The following CFAP65 variants were observed in gnomAD, a reference collection of about 807,000 sequenced individuals.
The protein encoded by CFAP65 is cilia- and flagella-associated protein 65.
In CFAP65, 155 loss-of-function variants were observed where a neutral mutation model predicts 208.0. The observed-to-expected ratio is 0.75, with a 90% confidence interval of 0.65 to 0.85. The LOEUF (loss-of-function observed/expected upper bound fraction) is 0.85. CFAP65 is among the 40% of genes least tolerant of loss of function. The probability of loss-of-function intolerance (pLI) is 0.00; values close to 1 mark genes in which losing one functional copy is unlikely to be tolerated. For synonymous variants in CFAP65, 970 were observed against 986.3 expected (o/e 0.98, Z 0.31); for missense variants, 2,294 against 2,451.3 (o/e 0.94, Z 1.36).
chr2:219,022,571 G>A (rs1947340076), intron 16 of CFAP65, among the ~76,000 whole-genome samples: 1 of 152,206 alleles, frequency 6.6e-6, no homozygotes, highest in African/African-American at 2.4e-5. Flanking sequence ...AAAGTTCAGA[G>A]AAGTGGGGTC....
chr2:219,013,563 G>T lies in CFAP65; in HGVS notation c.3802C>A (p.His1268Asn). Residue 1268 changes from histidine (H) to asparagine (N), a missense_variant, in exon 23 of 35, where the codon CAC (histidine) becomes AAC (asparagine). By Grantham distance (68) the His-to-Asn change is moderately conservative. Coordinates refer to ENST00000341552, the MANE Select transcript of CFAP65 (RefSeq NM_194302.4). The stretch of plus-strand genomic sequence containing the variant: ...GACACCTTGAAGAGCACTGGGAGGT[G>T]ATCAGTACCGATGAACAGGTGGCTA... The part of the protein sequence containing the change: ...KYSHLFIGTD[H>N]LPVLFKVSHG... 6.2e-7 allele frequency: 1 copy of T among 1,600,540 alleles called. No homozygotes were observed. The highest frequency in any genetic ancestry group is 1.1e-5 in the South Asian group (1 of 87,938).
At chr2:219,027,526 G>C in intron 13 of CFAP65, 124 bp downstream of exon 13, 4 of 1,610,700 alleles carry the variant, frequency 2.5e-6, no homozygotes, top group African/African-American at 1.3e-5. Context: ...GTCCAGCCAA[G>C]AGAAAGCCTG....
rs1948022168 is a variant in CFAP65, at chr2:219,031,416, C to A, written c.815+73G>T. 1.2e-6 allele frequency: 2 copies of A among 1,605,474 alleles called. No homozygotes were observed. The highest frequency in any genetic ancestry group is 1.3e-5 in the African/African-American group (1 of 74,868). On this transcript the variant is annotated intron_variant, in intron 7 of 34. Coordinates refer to ENST00000341552, the MANE Select transcript of CFAP65 (RefSeq NM_194302.4). The surrounding 1 kb of genome is among the most constrained non-coding windows in gnomAD (Gnocchi z 5.2). ...ACTACCCTACCCCGACAAGGGTATG[C>A]CTGTCTCTCCTGCTTCCAGACACCC...
chr2:219,010,415 T>G (rs1440436821), intron 26 of CFAP65, 131 bp downstream of exon 26: 2 of 974,654 alleles, frequency 2.1e-6, no homozygotes, highest in African/African-American at 3.3e-5. Flanking sequence ...TTCCAAGGTC[T>G]CATCTCTGCC....
Position 219,022,193 on chromosome 2 carries a change from A to C in CFAP65, c.2957T>G (p.Val986Gly). The C allele has an allele frequency of 6.2e-7, 1 of 1,602,760 alleles. No homozygotes were observed. The highest frequency in any genetic ancestry group is 8.5e-7 in the Non-Finnish European group (1 of 1,174,990). Residue 986 changes from valine to glycine, a missense_variant, in exon 17 of 35, where the codon GTT becomes GGT. Physicochemically the swap from Val to Gly is moderately radical, Grantham distance 109. Around this residue, in one of 2 missense-constraint regions of CFAP65, gnomAD observed 1,427 missense variants for 1,438.7 expected, o/e 0.99. Transcript: ENST00000341552. ...TTHYMLRLVG[V>G]GLTSSLSAKE... ...CACAGAGAGGCTGCTGGTGAGCCCA[A>C]CGCCCACCAGCCGGAGCATGTAGTG...
chr2:219,024,167 G>T lies in CFAP65; in HGVS notation c.2443C>A (p.Gln815Lys). ...CKLLTFSLAP[Q>K]RGSDVILRPT... ...CGAAGGATGACGTCTGAGCCTCTCT[G>T]GGGGGCCAGGCTGAAGGTCAGCAGC... The change falls in exon 15 of 35, where the codon CAG becomes AAG. Residue 815 changes from glutamine (Q) to lysine (K), a missense_variant. Coordinates refer to ENST00000341552, the MANE Select transcript of CFAP65 (RefSeq NM_194302.4). The T allele has an allele frequency of 6.2e-7, 1 of 1,613,970 alleles. No individual in the cohort carries two copies. Among genetic ancestry groups the T allele is most frequent in the Non-Finnish European group, 8.5e-7 (1 of 1,180,028 alleles).
rs1347659155 is a variant in CFAP65, at chr2:219,029,509, G to A, written c.1544C>T (p.Ala515Val). The A allele has an allele frequency of 6.2e-6, 10 of 1,613,982 alleles. No homozygotes were observed. The highest frequency in any genetic ancestry group is 1.3e-5 in the African/African-American group (1 of 74,898). ...GGCCTTGCCCACCAGCGTCCCAAAG[G>A]CAGGCCTGATGGTAAAGACACTCTC... ...CLESVFTIRP[A>V]FGTLVGKARM... The change falls in exon 11 of 35, where the codon GCC becomes GTC. Residue 515 changes from alanine (A) to valine (V), a missense_variant. Ala to Val is a moderately conservative substitution (Grantham distance 64). This residue lies in a region of CFAP65 where 867 missense variants were observed against 1,012.6 expected (regional missense o/e 0.86). Transcript: ENST00000341552.
At position 219,027,828 on chromosome 2, in the gene CFAP65, T is replaced by TTGGG; in HGVS notation, c.2032_2033insCCCA (p.Asn678ThrfsTer17). On this transcript the variant is annotated frameshift_variant, in exon 13 of 35. Coordinates refer to ENST00000341552, the MANE Select transcript of CFAP65 (RefSeq NM_194302.4). LOFTEE classifies it high-confidence loss of function. ...CACCATGATCTTGCCCTTGGTGTGG[T>TTGGG]TCATCAGGCACAGGGGTACAGGGTT... is the stretch of plus-strand genomic sequence containing the variant. 1 of 1,604,770 alleles carries TTGGG rather than the reference T, an allele frequency of 6.2e-7. No individual in the cohort carries two copies.
chr2:219,013,206 T>G, intron 24 of CFAP65, 53 bp downstream of exon 24: 1 of 1,221,002 alleles, frequency 8.2e-7, no homozygotes, highest in Non-Finnish European at 1.2e-6. Flanking sequence ...CACTCATACC[T>G]AGAGATCAAC....
chr2:219,023,909 C>T, intron 15 of CFAP65, 106 bp downstream of exon 15: 2 of 1,354,948 alleles, frequency 1.5e-6, no homozygotes, highest in East Asian at 4.6e-5. Flanking sequence ...GGAGAAGTGG[C>T]CCCCTGGAAA....
chr2:219,020,435 G>A (rs968064843), intron 19 of CFAP65, among the ~76,000 whole-genome samples: 2 of 152,098 alleles, frequency 1.3e-5, no homozygotes, highest in East Asian at 3.9e-4. Flanking sequence ...GGAGAGCAGC[G>A]ACACAATCAC....
chr2:219,024,475 C>CGG (rs574257675), intron 14 of CFAP65, among the ~76,000 whole-genome samples: 953 of 32,938 alleles, frequency 0.029, 30 homozygotes, highest in African/African-American at 0.062. Flanking sequence ...CAGAAAGGGG[C>CGG]GGGGGGGGGG....
rs3082609 is a variant in CFAP65 at position 219,007,146 on chromosome 2, T to TTTG, written c.4675-640_4675-638dup. On this transcript the variant is annotated intron_variant, in intron 29 of 34. Coordinates refer to ENST00000341552, the MANE Select transcript of CFAP65 (RefSeq NM_194302.4). ...CCTCATGCCCCCAAGAAGAGTTTTTTTTGTTGTTGTTGTTTTTGTTTGTTT... is the reference window on the plus strand; with the variant it reads ...CCTCATGCCCCCAAGAAGAGTTTTTTTTGTTGTTGTTGTTGTTTTTGTTTGTTT... Among the ~76,000 whole-genome samples the TTTG allele has an allele frequency of 4.8e-3, 725 of 151,596 alleles. 38 individuals carry two copies. The East Asian group carries it at 0.12, about 24-fold the overall frequency.
At position 219,029,619 on chromosome 2, in the gene CFAP65, G is replaced by A. The variant is rs750596746; in HGVS notation, c.1434C>T (p.Asn478=). The A allele has an allele frequency of 3.7e-6, 6 of 1,614,028 alleles. No individual in the cohort carries two copies. In the African/African-American group the frequency reaches 5.3e-5, roughly 14 times the overall value. The change falls in exon 11 of 35, where the codon AAC becomes AAT. Residue 478 remains asparagine (N), a synonymous_variant. Coordinates refer to ENST00000341552, the MANE Select transcript of CFAP65 (RefSeq NM_194302.4). ...QHYCVNFSWV[N]LGERSEQPLW... ...GGGGCTGCTCGGAGCGCTCCCCAAG[G>A]TTGACCCAGCTGAAGTTGACACAGT...
chr2:219,023,169 G>T lies in CFAP65; in HGVS notation c.2820+38C>A, dbSNP rs530064929. The T allele has an allele frequency of 1.1e-5, 17 of 1,535,806 alleles. No homozygotes were observed. The African/African-American group carries it at 2.2e-4, about 20-fold the overall frequency. On this transcript the variant is annotated intron_variant, in intron 16 of 34. Coordinates refer to ENST00000341552, the MANE Select transcript of CFAP65 (RefSeq NM_194302.4). Reference sequence around the variant, plus strand: ...GGCACAAATAAGAGATGACAGAAGTGAAGGTTGCCGTCACTCGGCAGGAGG... The same window carrying T: ...GGCACAAATAAGAGATGACAGAAGTTAAGGTTGCCGTCACTCGGCAGGAGG...
intron 12 of CFAP65, 61 bp downstream of exon 12, chr2:219,028,140 G>A: frequency 6.3e-7 from 1 of 1,587,112 alleles, no homozygotes; most frequent in Non-Finnish European, 8.6e-7. Flanking sequence ...GGGACCCTGG[G>A]GGCATGGGAT....
intron 21 of CFAP65, chr2:219,015,646 C>T (rs1946825362): frequency 6.6e-6 from 1 of 152,104 alleles, no homozygotes; most frequent in South Asian, 2.1e-4. Flanking sequence ...GCCCTTTGAC[C>T]CAGAAGTGTC....
At position 219,003,359 on chromosome 2, in the gene CFAP65, G is replaced by T; in HGVS notation, c.5556-87C>A. 7.1e-7 allele frequency: 1 copy of T among 1,412,060 alleles called. No homozygotes were observed. The highest frequency in any genetic ancestry group is 1.5e-5 in the South Asian group (1 of 67,214). The allele number at this position is 1,412,060 out of a possible 1,614,324, so 87.5% of individuals were successfully genotyped here. A position where few individuals can be genotyped will look rare whatever the true frequency, so the allele number is the denominator to read the frequency against. Reference sequence around the variant, plus strand: ...CTGTCCGTGCGGTACATTGTGCCGCGAGCTCTACGGAGATTCCCATTCGAC... The same window carrying T: ...CTGTCCGTGCGGTACATTGTGCCGCTAGCTCTACGGAGATTCCCATTCGAC... On this transcript the variant is annotated intron_variant, in intron 33 of 34. Transcript: ENST00000341552. This position sits in a 1 kb window ranked among gnomAD's most constrained non-coding sequence, Gnocchi z 4.4.
In CFAP65 at chr2:219,026,098, G is replaced by T; in HGVS notation, c.2273C>A (p.Thr758Lys). Residue 758 changes from threonine (T) to lysine (K), a missense_variant, in exon 14 of 35, where the codon ACG becomes AAG. By Grantham distance (78) the Thr-to-Lys change is moderately conservative. This residue lies in a region of CFAP65 where 867 missense variants were observed against 1,012.6 expected (regional missense o/e 0.86). Transcript: ENST00000341552. ...ATAGCTGTGGCCTCGTGCCCGCACCGTCAGGCACCAGGATGGGCACATGGT... is the reference window on the plus strand; with the variant it reads ...ATAGCTGTGGCCTCGTGCCCGCACCTTCAGGCACCAGGATGGGCACATGGT... ...DCTMCPSWCL[T>K]VRARGHSYFA... 2 of 1,614,038 alleles carry T rather than the reference G, an allele frequency of 1.2e-6. No homozygotes were observed. Among genetic ancestry groups the T allele is most frequent in the Non-Finnish European group, 1.7e-6 (2 of 1,179,972 alleles).
Sources: gnomAD v4.1 joint callset for allele counts (sites outside exome capture counted in the v4.1 genomes callset) on GRCh38, gnomAD v4.1.1 for gene constraint, gnomAD v4.1.1 regional missense constraint, Gnocchi (gnomAD v3.1) non-coding constraint, MANE v1.5 for transcripts, NCBI Gene and HGNC (gene_info 2026-07-23, HGNC 2026-07-21) for gene names.